VIPR1: variants seen among roughly 807,000 people sequenced by gnomAD.
VIPR1 encodes vasoactive intestinal polypeptide receptor 1.
In VIPR1, 59 loss-of-function variants were observed where a neutral mutation model predicts 58.8. The observed-to-expected ratio is 1.00, with a 90% CI of 0.81 to 1.25. The LOEUF is 1.25. Ranked by LOEUF, VIPR1 falls within the 50% of genes most tolerant of loss-of-function variation. The pLI is 0.00. For missense variants in VIPR1, 626 were observed against 602.7 expected, an observed-to-expected ratio of 1.04 and a Z score of -0.40; for synonymous variants, 251 against 242.1, an observed-to-expected ratio of 1.04 and a Z score of -0.34.
chr3:42,527,782 T>C, intron 5 of VIPR1: 3 of 717,334 alleles, frequency 4.2e-6, no homozygotes, highest in South Asian at 1.8e-5. Context: ...ACACACGAGG[T>C]TGAGGCCCTT....
chr3:42,514,184 C>T (rs1700506345), intron 2 of VIPR1, among the ~76,000 whole-genome samples: 1 of 152,044 alleles, frequency 6.6e-6, no homozygotes. Context: ...GGACACAAGG[C>T]CCAGGGTGCT....
chr3:42,512,699 C>G, intron 1 of VIPR1: 2 of 978,652 alleles, frequency 2.0e-6, no homozygotes, highest in African/African-American at 3.5e-5. Flanking sequence ...CTGGAGTGGT[C>G]TTGCTGGACT....
chr3:42,536,770 T>TC lies in VIPR1; in HGVS notation c.*489_*490insC. 1 of 154,748 alleles carries TC rather than the reference T, an allele frequency of 6.5e-6. No homozygotes were observed. Among genetic ancestry groups the TC allele is most frequent in the Non-Finnish European group, 1.4e-5 (1 of 69,804 alleles). The allele number at this position is 154,748 out of a possible 1,614,324, so 9.6% of individuals were successfully genotyped here. On this transcript the variant is annotated 3_prime_UTR_variant, in exon 13 of 13. Coordinates refer to ENST00000325123, the MANE Select transcript of VIPR1 (RefSeq NM_004624.4). ...CTGTCAAGTTCCTTTGGGTTAAGCATTACCACTCAGGCATTTGACTGAAGA... is the reference window on the plus strand; with the variant it reads ...CTGTCAAGTTCCTTTGGGTTAAGCATCTACCACTCAGGCATTTGACTGAAGA...
chr3:42,525,792 G>A, intron 3 of VIPR1, 95 bp from the exon 4 acceptor site: 1 of 1,303,920 alleles, frequency 7.7e-7, no homozygotes, highest in Non-Finnish European at 1.0e-6. Flanking sequence ...GTTGGTGGGA[G>A]TAGGGCTGAA....
At chr3:42,533,965 G>A (rs1480017028) in intron 10 of VIPR1, 2 of 152,382 alleles carry the variant, frequency 1.3e-5, no homozygotes, top group Non-Finnish European at 2.9e-5. Flanking sequence ...CCTAGCCAGG[G>A]AGCAATGGGT....
chr3:42,497,740 T>C (rs1699793739), upstream of VIPR1, among the ~76,000 whole-genome samples: 1 of 152,232 alleles, frequency 6.6e-6, no homozygotes, highest in African/African-American at 2.4e-5. Flanking sequence ...TGAGATCTGA[T>C]GGTTTTATAA....
intron 2 of VIPR1, among the ~76,000 whole-genome samples, chr3:42,518,264 A>G (rs1266259728): frequency 1.3e-5 from 2 of 152,136 alleles, no homozygotes; most frequent in African/African-American, 4.8e-5. Context: ...AGACTGATGG[A>G]CACAGGTAGT....
At chr3:42,514,546 C>CACACAA (rs1406281069) in intron 2 of VIPR1, among the ~76,000 whole-genome samples, 1 of 144,582 alleles carries the variant, frequency 6.9e-6, no homozygotes, top group African/African-American at 2.8e-5. Flanking sequence ...TGACACCACA[C>CACACAA]ACACACACAC....
At chr3:42,508,812 G>C (rs1008455148) in intron 1 of VIPR1, 1 of 152,112 alleles carries the variant, frequency 6.6e-6, no homozygotes, top group Admixed American at 6.5e-5. Context: ...GCCCACTCAC[G>C]TGCAAAAGCC....
intron 3 of VIPR1, among the ~76,000 whole-genome samples, chr3:42,520,130 A>G (rs1234735797): frequency 6.6e-6 from 1 of 152,208 alleles, no homozygotes; most frequent in Admixed American, 6.5e-5. Context: ...ACCACCAGGC[A>G]AAGATCCCAG....
At chr3:42,521,968 G>A (rs1246346574) in intron 3 of VIPR1, among the ~76,000 whole-genome samples, 2 of 150,058 alleles carry the variant, frequency 1.3e-5, no homozygotes, top group Non-Finnish European at 3.0e-5. Context: ...GGCTGGTCTT[G>A]AACTCCTGAC....
chr3:42,502,633 C>A (rs1449147100), upstream of VIPR1: 2 of 909,052 alleles, frequency 2.2e-6, no homozygotes, highest in East Asian at 3.6e-5. Context: ...GGGGCCACAG[C>A]GCCAGCGCCA....
At chr3:42,508,661 A>G (rs940821549) in intron 1 of VIPR1, among the ~76,000 whole-genome samples, 1 of 152,136 alleles carries the variant, frequency 6.6e-6, no homozygotes, top group Non-Finnish European at 1.5e-5. Flanking sequence ...AGCTGGGAGC[A>G]TGTTTCTCCT....
Position 42,519,300 on chromosome 3 carries a change from C to A in VIPR1, c.262C>A (p.Leu88Ile). The A allele has an allele frequency of 6.2e-7, 1 of 1,610,258 alleles. No homozygotes were observed. Among genetic ancestry groups the A allele is most frequent in the East Asian group, 2.2e-5 (1 of 44,544 alleles). Residue 88 changes from leucine to isoleucine, a missense_variant, in exon 3 of 13, where the codon CTC becomes ATC. Coordinates refer to ENST00000325123, the MANE Select transcript of VIPR1 (RefSeq NM_004624.4). ...CCAGGTAGTTGTCTTGGCCTGTCCC[C>A]TCATCTTCAAGCTCTTCTCCTCCAT... ...RGQVVVLACP[L>I]IFKLFSSIQG... is the part of the protein sequence containing the mutation.
chr3:42,531,257 T>C (rs1701529696), intron 7 of VIPR1: 2 of 621,384 alleles, frequency 3.2e-6, no homozygotes, highest in Non-Finnish European at 5.7e-6. Flanking sequence ...AATGTCCGTC[T>C]AGGTAGACAC....
At chr3:42,535,125 G>A (rs770467770) in intron 11 of VIPR1, 21 bp downstream of exon 11, 69 of 1,614,108 alleles carry the variant, frequency 4.3e-5, no homozygotes, top group Non-Finnish European at 5.5e-5. Context: ...TTGACTTAAG[G>A]CTGCATTCTT....
intron 6 of VIPR1, 90 bp from the exon 7 acceptor site, chr3:42,530,670 GATTAAGTTGGCTGCACTGC>G: frequency 7.6e-7 from 1 of 1,310,172 alleles, no homozygotes; most frequent in Admixed American, 2.2e-5. Flanking sequence ...ACAACAAAGA[GATTAAGTTGGCTGCACTGC>G]AACTGTGTTT....
intron 1 of VIPR1, among the ~76,000 whole-genome samples, chr3:42,511,555 G>A (rs1700364992): frequency 6.6e-6 from 1 of 152,196 alleles, no homozygotes; most frequent in African/African-American, 2.4e-5. Flanking sequence ...GTAAAGGATG[G>A]TGGAAGGCAG....
At chr3:42,532,151 C>T in intron 9 of VIPR1, 91 bp from the exon 10 acceptor site, 1 of 1,318,480 alleles carries the variant, frequency 7.6e-7, no homozygotes, top group Non-Finnish European at 1.1e-6. Flanking sequence ...GGCAGCAGGA[C>T]CCTGGGAAAG....
Sources: gnomAD v4.1 joint callset for allele counts (sites outside exome capture counted in the v4.1 genomes callset) on GRCh38, gnomAD v4.1.1 for gene constraint, MANE v1.5 for transcripts, NCBI Gene and HGNC (gene_info 2026-07-23, HGNC 2026-07-21) for gene names.